CHRNA10: variants seen among roughly 807,000 people sequenced by gnomAD.
CHRNA10 encodes neuronal acetylcholine receptor subunit alpha-10.
CHRNA10 carries 31 observed loss-of-function variants against 36.0 expected under a neutral mutation model. The ratio of observed to expected loss-of-function variants is 0.86; its 90% CI spans 0.65 to 1.16. The LOEUF (loss-of-function observed/expected upper bound fraction) is 1.16, where lower values mean the gene tolerates loss of function less well. Ranked by LOEUF, CHRNA10 falls within the 50% of genes most tolerant of loss-of-function variation. The probability of loss-of-function intolerance (pLI) is 0.00; values close to 1 mark genes in which losing one functional copy is unlikely to be tolerated. For missense variants in CHRNA10, 648 were observed against 640.9 expected, an observed-to-expected ratio of 1.01 and a Z score of -0.12; for synonymous variants, 302 against 287.0, an observed-to-expected ratio of 1.05 and a Z score of -0.53.
In CHRNA10 at chr11:3,669,279, C is replaced by T. The variant is rs1293167153; in HGVS notation, c.279G>A (p.Trp93Ter). 12 of 1,613,908 alleles carry T rather than the reference C, an allele frequency of 7.4e-6. No individual in the cohort carries two copies. Among genetic ancestry groups the T allele is most frequent in the African/African-American group, 1.3e-5 (1 of 74,866 alleles). ...RQEWTDAYLR[W>*]DPNAYGGLDA... Reference sequence around the variant, plus strand: ...CCAGGCCACCATAGGCATTGGGGTCCCATCGTAGGTAGGCATCTGTCCACT... The same window carrying T: ...CCAGGCCACCATAGGCATTGGGGTCTCATCGTAGGTAGGCATCTGTCCACT... The change falls in exon 3 of 5, where the codon TGG becomes TGA. Residue 93 changes from tryptophan to a stop codon, truncating the protein, a stop_gained. Coordinates refer to ENST00000250699, the MANE Select transcript of CHRNA10 (RefSeq NM_020402.4). LOFTEE classifies it high-confidence loss of function.
chr11:3,670,187 C>T (rs2672213), intron 1 of CHRNA10, among the ~76,000 whole-genome samples: 19,438 of 152,218 alleles, frequency 0.13, 1,327 homozygotes, highest in Middle Eastern at 0.26. Context: ...CCACCCTCCC[C>T]TTTTCAAGGA....
Position 3,671,124 on chromosome 11 carries a change from TAGAG to T in CHRNA10, c.61+124_61+127del, listed in dbSNP as rs144912605. ...ACCCCTCTCCTCCACACTCCCCAAATAGAGAGCTTGTTCTCAGAACAGGTACTGA... is the reference window on the plus strand; with the variant it reads ...ACCCCTCTCCTCCACACTCCCCAAATAGCTTGTTCTCAGAACAGGTACTGA... On this transcript the variant is annotated intron_variant, in intron 1 of 4. Transcript: ENST00000250699. The T allele has an allele frequency of 2.8e-3, 2,802 of 985,890 alleles. 42 individuals are homozygous for T. In the African/African-American group the frequency reaches 0.039, roughly 14 times the overall value. 61.1% of individuals were successfully genotyped at this position (985,890 alleles called of 1,614,324 possible).
intron 1 of CHRNA10, 149 bp from the exon 2 acceptor site, chr11:3,670,090 C>A: frequency 2.4e-6 from 2 of 818,442 alleles, no homozygotes; most frequent in Non-Finnish European, 1.9e-6. Flanking sequence ...TCTAGTTCCT[C>A]CCTGGCCTGC....
In CHRNA10 at chr11:3,667,462, G is replaced by A. The variant is rs1309399105; in HGVS notation, c.665C>T (p.Pro222Leu). 1 of 1,593,590 alleles carries A rather than the reference G, an allele frequency of 6.3e-7. No individual in the cohort carries two copies. Among genetic ancestry groups the A allele is most frequent in the Admixed American group, 1.7e-5 (1 of 59,532 alleles). ...CAGCGTGAAGGTGACGTCGGGGTAG[G>A]GCTCGGAGCAGCAGCCGTAGGTGAG... ...RVLTYGCCSEPYPDVTFTLLL... is the reference protein window; with the variant it reads ...RVLTYGCCSELYPDVTFTLLL... The change falls in exon 4 of 5, where the codon CCC (proline) becomes CTC (leucine). Residue 222 changes from proline (P) to leucine (L), a missense_variant. Coordinates refer to ENST00000250699, the MANE Select transcript of CHRNA10 (RefSeq NM_020402.4).
In CHRNA10 at chr11:3,667,677, C is replaced by T. The variant is rs1343884002; in HGVS notation, c.450G>A (p.Thr150=). ...CTACATCCACGCGGCACGAGCTGCG[C>T]GTGATGGCCGGCGCGTCCCAGCGCA... ...GAVRWDAPAI[T]RSSCRVDVAA... Residue 150 remains threonine, a synonymous_variant, in exon 4 of 5, where the codon ACG becomes ACA. Transcript: ENST00000250699. The T allele has an allele frequency of 1.3e-6, 2 of 1,565,874 alleles. No homozygotes were observed. Among genetic ancestry groups the T allele is most frequent in the Middle Eastern group, 1.7e-4 (1 of 6,024 alleles).
intron 2 of CHRNA10, 34 bp downstream of exon 2, chr11:3,669,761 TA>T: frequency 6.2e-7 from 1 of 1,613,124 alleles, no homozygotes; most frequent in Non-Finnish European, 8.5e-7. Context: ...CTGTGACAGG[TA>T]AGACTCCACA....
chr11:3,666,811 A>G (rs777694144), intron 4 of CHRNA10, among the ~76,000 whole-genome samples: 7 of 152,106 alleles, frequency 4.6e-5, no homozygotes, highest in Non-Finnish European at 7.4e-5. Context: ...CTCATACACA[A>G]TCCAGGACAG....
rs537925315 is a variant in CHRNA10 at position 3,666,022 on chromosome 11, C to T, written c.*85G>A. 363 of 1,257,170 alleles carry T rather than the reference C, an allele frequency of 2.9e-4. 1 individual carries two copies. The highest frequency in any genetic ancestry group is 2.5e-3 in the Middle Eastern group (9 of 3,606). The allele number at this position is 1,257,170 out of a possible 1,614,324, so 77.9% of individuals were successfully genotyped here. A position where few individuals can be genotyped will look rare whatever the true frequency, so the allele number is the denominator to read the frequency against. ...AGCAGTGGGGAGAGACTGGCTGGCCCAAAGACCAGCAACCACTTGGCCGTG... is the reference window on the plus strand; with the variant it reads ...AGCAGTGGGGAGAGACTGGCTGGCCTAAAGACCAGCAACCACTTGGCCGTG... On this transcript the variant is annotated 3_prime_UTR_variant, in exon 5 of 5. Transcript: ENST00000250699.
rs1459206547 is a variant in CHRNA10, at chr11:3,669,897, C to A, written c.106G>T (p.Asp36Tyr). ...EGRLALKLFR[D>Y]LFANYTSALR... ...GCACTTGTGTAGTTGGCAAAGAGGT[C>A]ACGGAACAGCTTGAGAGCCAGCCGG... The change falls in exon 2 of 5, where the codon GAC (aspartate) becomes TAC (tyrosine). Residue 36 changes from aspartate (D) to tyrosine (Y), a missense_variant. Physicochemically the swap from Asp to Tyr is radical, Grantham distance 160. Transcript: ENST00000250699. The A allele has an allele frequency of 1.2e-6, 2 of 1,614,036 alleles. No homozygotes were observed. Among genetic ancestry groups the A allele is most frequent in the Admixed American group, 3.3e-5 (2 of 60,000 alleles).
At chr11:3,666,607 T>A (rs1227703365) in intron 4 of CHRNA10, 43 bp from the exon 5 acceptor site, 11 of 1,452,518 alleles carry the variant, frequency 7.6e-6, no homozygotes, top group Non-Finnish European at 1.0e-5. Context: ...AACAAAAGCC[T>A]GTGGTTCCTG....
Position 3,667,596 on chromosome 11 carries a change from G to A in CHRNA10, c.531C>T (p.His177=), listed in dbSNP as rs546755450. The A allele has an allele frequency of 2.0e-5, 31 of 1,557,282 alleles. No individual in the cohort carries two copies. Among genetic ancestry groups the A allele is most frequent in the Middle Eastern group, 1.7e-4 (1 of 5,924 alleles). ...GCCGCACATCCAGTTGGTGCCCGCC[G>A]TGAGTCCAGGAGCCGAACGTCAGGC... ...HCGLTFGSWT[H]GGHQLDVRPR... is the part of the protein sequence containing the mutation. The change falls in exon 4 of 5, where the codon CAC becomes CAT. Residue 177 remains histidine (H), a synonymous_variant. Coordinates refer to ENST00000250699, the MANE Select transcript of CHRNA10 (RefSeq NM_020402.4).
rs376864800 is a variant in CHRNA10, at chr11:3,667,916, G to A, written c.363-152C>T. ...TCGTTAAGTTCGAGACACTCACGAC[G>A]CAGGGGAGCACCTGGCCCCAGCGTC... On this transcript the variant is annotated intron_variant, in intron 3 of 4. Coordinates refer to ENST00000250699, the MANE Select transcript of CHRNA10 (RefSeq NM_020402.4). The A allele has an allele frequency of 8.3e-5, 56 of 673,034 alleles. 1 individual carries two copies. The highest frequency in any genetic ancestry group is 5.0e-4 in the South Asian group (23 of 45,906). The allele number at this position is 673,034 out of a possible 1,614,324, so 41.7% of individuals were successfully genotyped here.
At position 3,669,358 on chromosome 11, in the gene CHRNA10, G is replaced by A; in HGVS notation, c.208-8C>T. 1.2e-6 allele frequency: 2 copies of A among 1,612,740 alleles called. No individual in the cohort carries two copies. Among genetic ancestry groups the A allele is most frequent in the South Asian group, 1.1e-5 (1 of 90,932 alleles). The stretch of plus-strand genomic sequence containing the variant: ...CACCTGGTTCCGTTCATCCTAGTGG[G>A]GGCAGGGAATGGCAGAGATGTGGAC... On this transcript the variant is annotated splice_region_variant and splice_polypyrimidine_tract_variant and intron_variant, in intron 2 of 4. Transcript: ENST00000250699.
Position 3,667,644 on chromosome 11 carries a change from GA to G in CHRNA10, c.482del (p.Phe161SerfsTer10). 6.4e-7 allele frequency: 1 copy of G among 1,559,734 alleles called. No individual in the cohort carries two copies. The highest frequency in any genetic ancestry group is 1.2e-5 in the South Asian group (1 of 86,466). On this transcript the variant is annotated frameshift_variant, in exon 4 of 5. Coordinates refer to ENST00000250699, the MANE Select transcript of CHRNA10 (RefSeq NM_020402.4). LOFTEE classifies it high-confidence loss of function. ...GGCCGCAGTGCTGGGCGTCGAACGGGAAGGCTGCTACATCCACGCGGCACGA... is the reference window on the plus strand; with the variant it reads ...GGCCGCAGTGCTGGGCGTCGAACGGGAGGCTGCTACATCCACGCGGCACGA... Reference protein sequence around the residue: ...RSSCRVDVAAFPFDAQHCGLT... With the variant: ...RSSCRVDVAAXPFDAQHCGLT...
At chr11:3,667,788 C>T (rs774795655) in intron 3 of CHRNA10, 24 bp from the exon 4 acceptor site, 29 of 1,468,700 alleles carry the variant, frequency 2.0e-5, no homozygotes, top group Non-Finnish European at 2.5e-5. Context: ...GGGCAGGGCT[C>T]ACCTAGGCTG....
Position 3,667,246 on chromosome 11 carries a change from C to A in CHRNA10, c.881G>T (p.Ser294Ile). The A allele has an allele frequency of 6.3e-7, 1 of 1,587,804 alleles. No homozygotes were observed. The highest frequency in any genetic ancestry group is 8.5e-7 in the Non-Finnish European group (1 of 1,174,828). Residue 294 changes from serine to isoleucine, a missense_variant, in exon 4 of 5, where the codon AGC becomes ATC. Transcript: ENST00000250699. ...LLAESMPPAESVPLIGKYYMA... is the reference protein window; with the variant it reads ...LLAESMPPAEIVPLIGKYYMA... The stretch of plus-strand genomic sequence containing the variant: ...CCGCTGCTCACCGATGAGCGGCACG[C>A]TCTCGGCCGGTGGCATGCTCTCGGC...
rs1192239680 is a variant in CHRNA10 at position 3,670,932 on chromosome 11, G to C, written c.61+320C>G. On this transcript the variant is annotated intron_variant, in intron 1 of 4. Transcript: ENST00000250699. ...CATGCACATCTGACCAGGCTAGTAT[G>C]CTGCTGAAACCTTTCAGTGCTCCCC... Among the ~76,000 whole-genome samples, 4 of 152,302 alleles carry C rather than the reference G, an allele frequency of 2.6e-5. No homozygotes were observed. In the East Asian group the frequency reaches 5.8e-4, roughly 22 times the overall value.
rs2077699518 is a variant in CHRNA10, at chr11:3,669,807, T to C, written c.196A>G (p.Ile66Val). Residue 66 changes from isoleucine (I) to valine (V), a missense_variant, in exon 2 of 5, where the codon ATC becomes GTC. Coordinates refer to ENST00000250699, the MANE Select transcript of CHRNA10 (RefSeq NM_020402.4). ...NVTLEVTLSQ[I>V]IDMDERNQVL... ...CCACCACAACGCACCATGTCGATGA[T>C]CTGGGACAGTGTCACCTCCAGGGTC... 1.9e-6 allele frequency: 3 copies of C among 1,614,216 alleles called. No individual in the cohort carries two copies. The highest frequency in any genetic ancestry group is 1.7e-6 in the Non-Finnish European group (2 of 1,180,026).
rs921866665 is a variant in CHRNA10 at position 3,669,707 on chromosome 11, C to G, written c.207+89G>C. The G allele has an allele frequency of 2.6e-6, 4 of 1,515,044 alleles. No individual in the cohort carries two copies. The Admixed American group carries it at 6.7e-5, about 25-fold the overall frequency. 93.9% of individuals were successfully genotyped at this position (1,515,044 alleles called of 1,614,324 possible). On this transcript the variant is annotated intron_variant, in intron 2 of 4. Transcript: ENST00000250699. ...TATTAACATTTACAGAAAAGAAATT[C>G]CATGGAGAATAATCCCAGTCTCTCA...
Sources: gnomAD v4.1 joint callset for allele counts (sites outside exome capture counted in the v4.1 genomes callset) on GRCh38, gnomAD v4.1.1 for gene constraint, MANE v1.5 for transcripts, NCBI Gene and HGNC (gene_info 2026-07-23, HGNC 2026-07-21) for gene names.